Variants in CRYZ observed in about 807,000 individuals in gnomAD.
CRYZ encodes the protein zeta-crystallin.
In CRYZ, 35 loss-of-function variants were observed where a neutral mutation model predicts 34.1. The observed-to-expected ratio is 1.03, with a 90% confidence interval of 0.78 to 1.36. The LOEUF is 1.36. CRYZ is among the 40% of genes most tolerant of loss of function. The pLI is 0.00. For missense variants in CRYZ, 403 were observed against 391.8 expected, an observed-to-expected ratio of 1.03 and a Z score of -0.24; for synonymous variants, 137 against 136.5, an observed-to-expected ratio of 1.00 and a Z score of -0.03.
chr1:74,723,035 A>T, intron 3 of CRYZ, 83 bp downstream of exon 3: 2 of 1,410,334 alleles, frequency 1.4e-6, no homozygotes, highest in South Asian at 1.3e-5. Flanking sequence ...TTAAAACCTT[A>T]AATAAGATGC....
At chr1:74,714,021 T>C (rs1569984814) in intron 5 of CRYZ, among the ~76,000 whole-genome samples, 1 of 152,078 alleles carries the variant, frequency 6.6e-6, no homozygotes, top group Non-Finnish European at 1.5e-5. Flanking sequence ...TCCTCCCCCA[T>C]TCCCCCACAT....
intron 6 of CRYZ, among the ~76,000 whole-genome samples, chr1:74,709,049 C>G (rs1256893289): frequency 6.6e-6 from 1 of 151,986 alleles, no homozygotes; most frequent in African/African-American, 2.4e-5. Flanking sequence ...AGTATAAATA[C>G]TTGGGCTATA....
At chr1:74,706,857 C>T (rs1004445432) in intron 8 of CRYZ, 42 bp downstream of exon 8, 1 of 1,530,928 alleles carries the variant, frequency 6.5e-7, no homozygotes, top group East Asian at 2.3e-5. Context: ...CAAACTGTAC[C>T]AATGTTTAAG....
At chr1:74,708,167 C>T (rs1646954954) in intron 6 of CRYZ, 2 of 152,058 alleles carry the variant, frequency 1.3e-5, no homozygotes, top group South Asian at 4.1e-4. Context: ...ACAAGAGGAA[C>T]TGAAGTACAT....
In CRYZ at chr1:74,706,053, T is replaced by C; in HGVS notation, c.*243A>G. 1 of 358,446 alleles carries C rather than the reference T, an allele frequency of 2.8e-6. No homozygotes were observed. The allele number at this position is 358,446 out of a possible 1,614,324, so 22.2% of individuals were successfully genotyped here. A position where few individuals can be genotyped will look rare whatever the true frequency, so the allele number is the denominator to read the frequency against. ...TACTGGAATGCACACTCATGCCAAA[T>C]GACAACTAACATGTTATTTCCTACT... On this transcript the variant is annotated 3_prime_UTR_variant, in exon 9 of 9. Transcript: ENST00000340866.
intron 5 of CRYZ, 99 bp downstream of exon 5, chr1:74,714,478 ACT>A (rs1647044532): frequency 1.8e-6 from 2 of 1,133,278 alleles, no homozygotes; most frequent in Non-Finnish European, 2.6e-6. Flanking sequence ...AGCACCTTTG[ACT>A]CTATTTATAA....
intron 3 of CRYZ, among the ~76,000 whole-genome samples, chr1:74,720,000 T>C (rs1055311720): frequency 1.6e-4 from 24 of 152,004 alleles, no homozygotes; most frequent in African/African-American, 5.6e-4. Flanking sequence ...TCTAATTTCA[T>C]CTTCACAACA....
chr1:74,714,501 T>A, intron 5 of CRYZ, 78 bp downstream of exon 5: 1 of 1,392,460 alleles, frequency 7.2e-7, no homozygotes, highest in Non-Finnish European at 1.0e-6. Flanking sequence ...ATCTGACTTT[T>A]AAAAATGACC....
intron 1 of CRYZ, among the ~76,000 whole-genome samples, chr1:74,725,405 A>G (rs978152033): frequency 6.6e-6 from 1 of 152,200 alleles, no homozygotes; most frequent in African/African-American, 2.4e-5. Context: ...GGCAAACAAG[A>G]GAGCTTGTGC....
chr1:74,732,889 C>T lies in CRYZ; in HGVS notation c.-14+67G>A, dbSNP rs1647922373. 1.3e-5 allele frequency: 3 copies of T among 229,598 alleles called. 1 individual carries two copies. The South Asian group carries it at 2.3e-4, about 18-fold the overall frequency. 14.2% of individuals were successfully genotyped at this position (229,598 alleles called of 1,614,324 possible). A position where few individuals can be genotyped will look rare whatever the true frequency, so the allele number is the denominator to read the frequency against. ...GGTGCAGCCAAAATCAAACTCGGTT[C>T]CACTTGGACGAGCAGTGGGGAGATT... On this transcript the variant is annotated intron_variant, in intron 1 of 8. Transcript: ENST00000340866.
chr1:74,714,323 T>C (rs1295702079), intron 5 of CRYZ, among the ~76,000 whole-genome samples: 1 of 152,062 alleles, frequency 6.6e-6, no homozygotes, highest in Non-Finnish European at 1.5e-5. Context: ...CAGTTTATCT[T>C]AGTCTACACC....
At chr1:74,712,784 T>C (rs191624974) in intron 5 of CRYZ, among the ~76,000 whole-genome samples, 9 of 152,324 alleles carry the variant, frequency 5.9e-5, no homozygotes, top group Non-Finnish European at 7.4e-5. Context: ...CATCTCCTTG[T>C]GTTCTAACTG....
At chr1:74,722,996 G>A (rs547531509) in intron 3 of CRYZ, 122 bp downstream of exon 3, 13 of 914,340 alleles carry the variant, frequency 1.4e-5, no homozygotes, top group East Asian at 7.9e-5. Flanking sequence ...GGAGTCCCCC[G>A]AGTGGCAGAA....
At chr1:74,713,183 G>A (rs1464859532) in intron 5 of CRYZ, among the ~76,000 whole-genome samples, 1 of 152,014 alleles carries the variant, frequency 6.6e-6, no homozygotes, top group East Asian at 1.9e-4. Flanking sequence ...CCAGCTCAGA[G>A]AACAGTGTGG....
At chr1:74,713,136 A>G (rs1647026642) in intron 5 of CRYZ, among the ~76,000 whole-genome samples, 1 of 152,144 alleles carries the variant, frequency 6.6e-6, no homozygotes, top group Admixed American at 6.5e-5. Context: ...CCAGGTCACC[A>G]GCCTATCCCT....
intron 3 of CRYZ, among the ~76,000 whole-genome samples, chr1:74,722,511 A>T (rs1327680302): frequency 1.3e-5 from 2 of 152,018 alleles, no homozygotes; most frequent in Non-Finnish European, 1.5e-5. Context: ...TAATTTTGGT[A>T]AGGTGCTGCC....
At position 74,706,209 on chromosome 1, in the gene CRYZ, T is replaced by A; in HGVS notation, c.*87A>T. 8.8e-7 allele frequency: 1 copy of A among 1,141,494 alleles called. No homozygotes were observed. The highest frequency in any genetic ancestry group is 1.2e-6 in the Non-Finnish European group (1 of 830,012). 70.7% of individuals were successfully genotyped at this position (1,141,494 alleles called of 1,614,324 possible). On this transcript the variant is annotated 3_prime_UTR_variant, in exon 9 of 9. Transcript: ENST00000340866. ...CACATAAGAAGCTCATGGAATCGAA[T>A]GTTAATTAAAGAAAAGATAGGGTAA... is the stretch of plus-strand genomic sequence containing the variant.
At position 74,713,053 on chromosome 1, in the gene CRYZ, C is replaced by T. The variant is rs188010037; in HGVS notation, c.480+1526G>A. Among the ~76,000 whole-genome samples the T allele has an allele frequency of 5.3e-5, 8 of 152,136 alleles. No individual in the cohort carries two copies. In the East Asian group the frequency reaches 1.6e-3, roughly 30 times the overall value. The stretch of plus-strand genomic sequence containing the variant: ...TCGAATTAAATGAGGACAGAAAGTA[C>T]AAACAGAAGCAAGGCAAAACCCAGT... On this transcript the variant is annotated intron_variant, in intron 5 of 8. Transcript: ENST00000340866.
At chr1:74,724,874 C>T in intron 1 of CRYZ, 40 bp from the exon 2 acceptor site, 1 of 1,184,816 alleles carries the variant, frequency 8.4e-7, no homozygotes, top group Non-Finnish European at 1.2e-6. Context: ...CACATTGTAT[C>T]TAGGATATCA....
Sources: allele counts gnomAD v4.1 joint callset (sites outside exome capture counted in the v4.1 genomes callset), GRCh38; gene constraint gnomAD v4.1.1; transcripts MANE v1.5; gene names NCBI Gene and HGNC (gene_info 2026-07-23, HGNC 2026-07-21).